Variants in SNCAIP observed in about 807,000 individuals in gnomAD.
SNCAIP encodes synphilin-1.
In SNCAIP, 43 loss-of-function variants were observed where a neutral mutation model predicts 86.7. The ratio of observed to expected loss-of-function variants is 0.50; its 90% CI spans 0.39 to 0.64. The LOEUF is 0.64. Among genes scored for constraint, SNCAIP ranks in the 30% least tolerant of loss-of-function variants. The probability of loss-of-function intolerance (pLI) is 0.00; values close to 1 mark genes in which losing one functional copy is unlikely to be tolerated. For synonymous variants in SNCAIP, 417 were observed against 427.2 expected, an observed-to-expected ratio of 0.98 and a Z score of 0.29; for missense variants, 981 against 1,103.1, an observed-to-expected ratio of 0.89 and a Z score of 1.57.
intron 3 of SNCAIP, among the ~76,000 whole-genome samples, chr5:122,408,832 G>A (rs1773543635): frequency 6.6e-6 from 1 of 152,214 alleles, no homozygotes. Flanking sequence ...GCCTCTGTAA[G>A]CAGCATATTT....
intron 1 of SNCAIP, among the ~76,000 whole-genome samples, chr5:122,364,461 G>A (rs963220708): frequency 2.6e-5 from 4 of 152,162 alleles, no homozygotes; most frequent in African/African-American, 9.7e-5. Context: ...GAGCCACTGT[G>A]CCCAGCCAAT....
intron 10 of SNCAIP, among the ~76,000 whole-genome samples, chr5:122,454,881 T>C (rs1189715371): frequency 6.6e-6 from 1 of 152,204 alleles, no homozygotes; most frequent in South Asian, 2.1e-4. Flanking sequence ...AGCTGAGACA[T>C]CTGTTATAAT....
At chr5:122,359,662 G>A (rs918848575) in intron 1 of SNCAIP, among the ~76,000 whole-genome samples, 2 of 152,024 alleles carry the variant, frequency 1.3e-5, no homozygotes, top group Non-Finnish European at 2.9e-5. Flanking sequence ...ACCACACCTG[G>A]CCACAACATG....
chr5:122,342,124 G>C (rs1458554908), intron 1 of SNCAIP, among the ~76,000 whole-genome samples: 1 of 152,076 alleles, frequency 6.6e-6, no homozygotes, highest in Non-Finnish European at 1.5e-5. Flanking sequence ...CAGACTATTG[G>C]TTGCTAAGCA....
At chr5:122,365,635 C>A (rs558130378) in intron 1 of SNCAIP, among the ~76,000 whole-genome samples, 1 of 152,142 alleles carries the variant, frequency 6.6e-6, no homozygotes, top group Non-Finnish European at 1.5e-5. Context: ...GCCAAGATTG[C>A]GCCACTGCAC....
In SNCAIP at chr5:122,450,718, T is replaced by G. The variant is rs913323203; in HGVS notation, c.1871T>G (p.Leu624Trp). ...TCTGATAAAATCTTACGCCAGTTAT[T>G]GGGAAAGGAAATCTCAGAAAATGTC... Reference protein sequence around the residue: ...EDSDKILRQLLGKEISENVCT... With the variant: ...EDSDKILRQLWGKEISENVCT... Residue 624 changes from leucine (L) to tryptophan (W), a missense_variant, in exon 10 of 11, where the codon TTG becomes TGG. By Grantham distance (61) the Leu-to-Trp change is moderately conservative (BLOSUM62 -2). Transcript: ENST00000261368. 3 of 1,614,188 alleles carry G rather than the reference T, an allele frequency of 1.9e-6. No individual in the cohort carries two copies. Among genetic ancestry groups the G allele is most frequent in the Non-Finnish European group, 2.5e-6 (3 of 1,180,028 alleles).
chr5:122,452,379 CTG>C (rs1182286162), intron 10 of SNCAIP, among the ~76,000 whole-genome samples: 2 of 152,208 alleles, frequency 1.3e-5, no homozygotes. Flanking sequence ...GCAAAACTCT[CTG>C]TGGAATGGAA....
intron 1 of SNCAIP, among the ~76,000 whole-genome samples, chr5:122,375,479 T>C (rs1765109664): frequency 1.3e-5 from 2 of 151,798 alleles, no homozygotes; most frequent in South Asian, 4.2e-4. Flanking sequence ...TGCTTTTTTT[T>C]TTTTTTTCAT....
intron 1 of SNCAIP, among the ~76,000 whole-genome samples, chr5:122,349,099 A>G (rs1243771743): frequency 6.6e-6 from 1 of 152,186 alleles, no homozygotes; most frequent in African/African-American, 2.4e-5. Flanking sequence ...GAATAAAGCC[A>G]CCACTCTGAA....
intron 2 of SNCAIP, among the ~76,000 whole-genome samples, chr5:122,394,750 C>T (rs568659602): frequency 6.6e-6 from 1 of 152,320 alleles, no homozygotes; most frequent in East Asian, 1.9e-4. Flanking sequence ...CTAAAGAAAG[C>T]AGAGGCTGAA....
At position 122,449,925 on chromosome 5, in the gene SNCAIP, C is replaced by T; in HGVS notation, c.1673C>T (p.Pro558Leu). The T allele has an allele frequency of 1.2e-6, 2 of 1,610,410 alleles. No individual in the cohort carries two copies. The highest frequency in any genetic ancestry group is 1.7e-6 in the Non-Finnish European group (2 of 1,176,682). The change falls in exon 9 of 11, where the codon CCT (proline) becomes CTT (leucine). Residue 558 changes from proline to leucine, a missense_variant. Coordinates refer to ENST00000261368, the MANE Select transcript of SNCAIP (RefSeq NM_005460.4). Reference protein sequence around the residue: ...EAQKSEGKSLPSSPSSPSSPA... With the variant: ...EAQKSEGKSLLSSPSSPSSPA... ...CAGAAATCAGAGGGCAAGTCACTCCCTTCTTCACCCAGGTAATACCAGCAC... is the reference window on the plus strand; with the variant it reads ...CAGAAATCAGAGGGCAAGTCACTCCTTTCTTCACCCAGGTAATACCAGCAC...
intron 1 of SNCAIP, among the ~76,000 whole-genome samples, chr5:122,385,509 A>G (rs1049987390): frequency 1.3e-5 from 2 of 152,232 alleles, no homozygotes; most frequent in Non-Finnish European, 2.9e-5. Context: ...CAGCCAAGCT[A>G]CTGAGCCAAC....
At chr5:122,437,552 T>C (rs1329437629) in intron 6 of SNCAIP, among the ~76,000 whole-genome samples, 1 of 152,232 alleles carries the variant, frequency 6.6e-6, no homozygotes, top group Non-Finnish European at 1.5e-5. Context: ...TTTTAAATTC[T>C]TATGCTTATT....
At chr5:122,436,573 TA>T (rs1398874234) in intron 6 of SNCAIP, 3 of 152,202 alleles carry the variant, frequency 2.0e-5, no homozygotes, top group Non-Finnish European at 2.9e-5. Flanking sequence ...CATGAAATTA[TA>T]AAATAATTGC....
intron 8 of SNCAIP, 172 bp downstream of exon 8, chr5:122,444,904 G>A (rs147460634): frequency 1.0e-5 from 7 of 682,970 alleles, no homozygotes; most frequent in East Asian, 2.7e-5. Context: ...TCGTGCTGAA[G>A]ATGCCATCTC....
chr5:122,385,716 G>T (rs1211605201), intron 1 of SNCAIP, among the ~76,000 whole-genome samples: 1 of 150,856 alleles, frequency 6.6e-6, no homozygotes, highest in African/African-American at 2.4e-5. Context: ...TGTGTGTAGG[G>T]GTGCAGGGAG....
In SNCAIP at chr5:122,450,647, C is replaced by G; in HGVS notation, c.1800C>G (p.Ser600Arg). The change falls in exon 10 of 11, where the codon AGC (serine) becomes AGG (arginine). Residue 600 changes from serine (S) to arginine (R), a missense_variant. Physicochemically the swap from Ser to Arg is moderately radical, Grantham distance 110. Transcript: ENST00000261368. Reference protein sequence around the residue: ...GVQEGIQVLGSLSASSRARPK... With the variant: ...GVQEGIQVLGRLSASSRARPK... ...AAGAGGGGATTCAGGTTCTTGGAAG[C>G]CTGTCAGCCTCCAGCCGGGCTAGAC... 6.2e-7 allele frequency: 1 copy of G among 1,613,982 alleles called. No individual in the cohort carries two copies.
intron 5 of SNCAIP, among the ~76,000 whole-genome samples, chr5:122,431,258 C>T (rs554016395): frequency 5.3e-5 from 8 of 151,914 alleles, no homozygotes; most frequent in African/African-American, 1.7e-4. Context: ...CGTTATTTAC[C>T]GAGGAGAAAT....
chr5:122,355,241 T>C (rs976731393), intron 1 of SNCAIP, among the ~76,000 whole-genome samples: 1 of 152,222 alleles, frequency 6.6e-6, no homozygotes, highest in Non-Finnish European at 1.5e-5. Flanking sequence ...TTAAGATCTC[T>C]TGAAGTTTGC....
Sources: gnomAD v4.1 joint callset for allele counts (sites outside exome capture counted in the v4.1 genomes callset) on GRCh38, gnomAD v4.1.1 for gene constraint, MANE v1.5 for transcripts, NCBI Gene and HGNC (gene_info 2026-07-23, HGNC 2026-07-21) for gene names.